Variants in RETSAT observed in about 807,000 individuals in gnomAD.
RETSAT encodes the protein all-trans-retinol 13,14-reductase.
RETSAT carries 35 observed loss-of-function variants against 61.6 expected under a neutral mutation model. The observed-to-expected ratio is 0.57, with a 90% CI of 0.43 to 0.75. The LOEUF is 0.75. Ranked by LOEUF, RETSAT falls within the 30% of genes least tolerant of loss-of-function variation. The pLI, the probability that RETSAT is intolerant of heterozygous loss-of-function variation, is 0.00. For missense variants in RETSAT, 670 were observed against 759.5 expected, an observed-to-expected ratio of 0.88 and a Z score of 1.38; for synonymous variants, 277 against 310.4, an observed-to-expected ratio of 0.89 and a Z score of 1.13.
chr2:85,344,504 C>T (rs1463431520), intron 7 of RETSAT, 90 bp downstream of exon 7: 2 of 1,569,614 alleles, frequency 1.3e-6, no homozygotes, highest in Admixed American at 3.5e-5. Context: ...TAGAAATTGC[C>T]TACTTCCTCC....
At chr2:85,345,432 G>A (rs1040475277) in intron 6 of RETSAT, 18 of 231,746 alleles carry the variant, frequency 7.8e-5, no homozygotes, top group African/African-American at 3.4e-4. Context: ...CAAGGTTTCC[G>A]CCATACCATA....
rs1683113144 is a variant in RETSAT, at chr2:85,342,987, C to A, written c.*255G>T. On this transcript the variant is annotated 3_prime_UTR_variant, in exon 11 of 11. Coordinates refer to ENST00000295802, the MANE Select transcript of RETSAT (RefSeq NM_017750.4). ...GCGCCGCTCGTCATGAGACATCAAG[C>A]TATCCAAGTCAATATCCTATTAGTA... is the stretch of plus-strand genomic sequence containing the variant. 2.6e-6 allele frequency: 1 copy of A among 386,698 alleles called. No individual in the cohort carries two copies. Among genetic ancestry groups the A allele is most frequent in the Middle Eastern group, 7.3e-4 (1 of 1,364 alleles). 24.0% of individuals were successfully genotyped at this position (386,698 alleles called of 1,614,324 possible).
In RETSAT at chr2:85,342,525, G is replaced by C; in HGVS notation, c.*717C>G. On this transcript the variant is annotated 3_prime_UTR_variant, in exon 11 of 11. Coordinates refer to ENST00000295802, the MANE Select transcript of RETSAT (RefSeq NM_017750.4). ...GGTACTGAGTCCCTGCTGGCACATT[G>C]AGAACCAGCTGCCACCCCGATGATA... The C allele has an allele frequency of 6.6e-6, 1 of 152,636 alleles. No individual in the cohort carries two copies. The highest frequency in any genetic ancestry group is 1.5e-5 in the Non-Finnish European group (1 of 68,282). 9.5% of individuals were successfully genotyped at this position (152,636 alleles called of 1,614,324 possible).
chr2:85,349,922 C>A, intron 4 of RETSAT, 118 bp downstream of exon 4: 1 of 961,018 alleles, frequency 1.0e-6, no homozygotes, highest in Admixed American at 2.4e-5. Flanking sequence ...TCCAGAGGGC[C>A]TGGGGTTTAC....
chr2:85,347,727 G>A (rs1490508302), intron 5 of RETSAT, among the ~76,000 whole-genome samples: 1 of 152,194 alleles, frequency 6.6e-6, no homozygotes, highest in Non-Finnish European at 1.5e-5. Flanking sequence ...TATCTGGATT[G>A]TATTTAACTC....
At chr2:85,345,849 G>A in intron 6 of RETSAT, 126 bp downstream of exon 6, 1 of 1,193,194 alleles carries the variant, frequency 8.4e-7, no homozygotes, top group Non-Finnish European at 1.2e-6. Flanking sequence ...TTCTCACCTT[G>A]TTGCTTAAGG....
At chr2:85,351,115 C>T in intron 2 of RETSAT, 94 bp from the exon 3 acceptor site, 1 of 1,496,154 alleles carries the variant, frequency 6.7e-7, no homozygotes, top group Non-Finnish European at 9.1e-7. Context: ...GTTTATCTGG[C>T]CTGGCCAAGT....
At chr2:85,347,472 C>A (rs1423019390) in intron 5 of RETSAT, among the ~76,000 whole-genome samples, 2 of 152,014 alleles carry the variant, frequency 1.3e-5, no homozygotes, top group Non-Finnish European at 2.9e-5. Context: ...TGTGATCCAC[C>A]CACCTCGGCC....
chr2:85,342,207 C>G lies in RETSAT; in HGVS notation c.*1035G>C, dbSNP rs1300649482. ...TAACTGAAAAGTCATTTTTCCAAAC[C>G]TTGAGCTTGCATTCACCTACCTGTC... On this transcript the variant is annotated 3_prime_UTR_variant, in exon 11 of 11. Transcript: ENST00000295802. 1.5e-5 allele frequency: 3 copies of G among 197,854 alleles called. No individual in the cohort carries two copies. In the Admixed American group the frequency reaches 1.6e-4, roughly 11 times the overall value. 12.3% of individuals were successfully genotyped at this position (197,854 alleles called of 1,614,324 possible).
chr2:85,345,358 C>A (rs1245039253), intron 6 of RETSAT, among the ~76,000 whole-genome samples: 1 of 152,186 alleles, frequency 6.6e-6, no homozygotes, highest in Non-Finnish European at 1.5e-5. Flanking sequence ...CCTCAGGGAG[C>A]AGCTCCCGGG....
chr2:85,350,681 C>T, intron 3 of RETSAT, 99 bp downstream of exon 3: 3 of 1,396,918 alleles, frequency 2.1e-6, no homozygotes, highest in Non-Finnish European at 9.9e-7. Context: ...CCCTTCCTGC[C>T]TCCCGCACTG....
chr2:85,349,058 T>G (rs972949069), intron 5 of RETSAT, among the ~76,000 whole-genome samples: 3 of 137,096 alleles, frequency 2.2e-5, no homozygotes, highest in African/African-American at 8.7e-5. Flanking sequence ...CATATTTTTG[T>G]TTTTTTTTTT....
intron 4 of RETSAT, 74 bp downstream of exon 4, chr2:85,349,966 G>T: frequency 6.9e-7 from 1 of 1,444,396 alleles, no homozygotes; most frequent in Non-Finnish European, 9.7e-7. Flanking sequence ...GCAGGGTCGA[G>T]AAGAAAGATT....
At chr2:85,353,088 C>T (rs1016334227) in intron 1 of RETSAT, among the ~76,000 whole-genome samples, 6 of 152,220 alleles carry the variant, frequency 3.9e-5, no homozygotes, top group Middle Eastern at 6.8e-3. Context: ...ATACATGAAA[C>T]AAGTGTCACA....
At chr2:85,348,897 C>T (rs1323704762) in intron 5 of RETSAT, among the ~76,000 whole-genome samples, 2 of 151,358 alleles carry the variant, frequency 1.3e-5, no homozygotes, top group South Asian at 2.1e-4. Context: ...ACTATAGGTG[C>T]GTGCCACCAT....
At chr2:85,348,405 C>T (rs541683248) in intron 5 of RETSAT, among the ~76,000 whole-genome samples, 24 of 152,108 alleles carry the variant, frequency 1.6e-4, no homozygotes, top group East Asian at 7.8e-4. Context: ...CCAAGGTGGG[C>T]GGATCACAAG....
rs17026273 is a variant in RETSAT, at chr2:85,347,885, A to C, written c.997+1499T>G. ...TCCTACTAATGGATTCTCTCAGATCACTGATGGCCTTTTCTCCTTCATTTT... is the reference window on the plus strand; with the variant it reads ...TCCTACTAATGGATTCTCTCAGATCCCTGATGGCCTTTTCTCCTTCATTTT... On this transcript the variant is annotated intron_variant, in intron 5 of 10. Transcript: ENST00000295802. 4.2e-3 allele frequency among the ~76,000 whole-genome samples: 645 copies of C among 152,294 alleles called. 12 individuals carry two copies. In the East Asian group the frequency reaches 0.062, roughly 15 times the overall value.
chr2:85,344,526 C>G (rs1043345325), intron 7 of RETSAT, 68 bp downstream of exon 7: 1 of 1,581,372 alleles, frequency 6.3e-7, no homozygotes, highest in African/African-American at 1.6e-5. Context: ...ATTCCATAAC[C>G]TCTGCTCATT....
At position 85,343,319 on chromosome 2, in the gene RETSAT, C is replaced by T. The variant is rs143283662; in HGVS notation, c.1756G>A (p.Ala586Thr). The change falls in exon 11 of 11, where the codon GCC becomes ACC. Residue 586 changes from alanine (A) to threonine (T), a missense_variant. By Grantham distance (58) the Ala-to-Thr change is moderately conservative. Coordinates refer to ENST00000295802, the MANE Select transcript of RETSAT (RefSeq NM_017750.4). ...GAGTACAAGTTCCGCTTCAGGATGG[C>T]GCTGCTGCACAGCAGGGCACCTTGC... Reference protein sequence around the residue: ...ALQGALLCSSAILKRNLYSDL... With the variant: ...ALQGALLCSSTILKRNLYSDL... 13,024 of 1,609,796 alleles carry T rather than the reference C, an allele frequency of 8.1e-3. 1 individual carries two copies. Among genetic ancestry groups the T allele is most frequent in the Middle Eastern group, 0.03 (179 of 5,994 alleles).
Sources: gnomAD v4.1 joint callset for allele counts (sites outside exome capture counted in the v4.1 genomes callset) on GRCh38, gnomAD v4.1.1 for gene constraint, MANE v1.5 for transcripts, NCBI Gene and HGNC (gene_info 2026-07-23, HGNC 2026-07-21) for gene names.